The following TRPM3 variants were observed in gnomAD, a reference collection of about 807,000 sequenced individuals.
TRPM3 encodes the protein transient receptor potential cation channel subfamily M member 3, also known as long transient receptor potential channel 3.
TRPM3 carries 77 observed loss-of-function variants against 181.2 expected under a neutral mutation model. The observed-to-expected ratio is 0.42, with a 90% CI of 0.35 to 0.51. The LOEUF is 0.51. Ranked by LOEUF, TRPM3 falls within the 20% of genes least tolerant of loss-of-function variation. TRPM3 has a pLI of 0.01. For missense variants in TRPM3, 1,759 were observed against 2,196.7 expected, an observed-to-expected ratio of 0.80 and a Z score of 3.98; for synonymous variants, 745 against 796.4, an observed-to-expected ratio of 0.94 and a Z score of 1.09.
intron 1 of TRPM3, among the ~76,000 whole-genome samples, chr9:71,035,661 G>A (rs1253214016): frequency 6.6e-6 from 1 of 152,166 alleles, no homozygotes; most frequent in Admixed American, 6.5e-5. Flanking sequence ...AGGTTGCAGT[G>A]AGCCGATATT....
intron 1 of TRPM3, among the ~76,000 whole-genome samples, chr9:71,292,197 C>A (rs141144424): frequency 6.6e-6 from 1 of 151,878 alleles, no homozygotes; most frequent in Non-Finnish European, 1.5e-5. Flanking sequence ...AGTTGAAAAC[C>A]GCACTTAGAA....
intron 1 of TRPM3, among the ~76,000 whole-genome samples, chr9:71,112,632 C>T (rs570662700): frequency 6.6e-6 from 1 of 152,264 alleles, no homozygotes; most frequent in East Asian, 1.9e-4. Flanking sequence ...TCATCTAACA[C>T]CCGAGACATT....
At chr9:71,212,785 A>G (rs947098701) in intron 1 of TRPM3, among the ~76,000 whole-genome samples, 3 of 152,214 alleles carry the variant, frequency 2.0e-5, no homozygotes, top group Admixed American at 6.5e-5. Context: ...TTAATATTAA[A>G]ATGACTTGAA....
intron 3 of TRPM3, among the ~76,000 whole-genome samples, chr9:70,857,591 A>T (rs751777873): frequency 6.6e-6 from 1 of 152,214 alleles, no homozygotes; most frequent in Non-Finnish European, 1.5e-5. Context: ...ATTTCCCAAC[A>T]AAACATCTAA....
At chr9:71,396,965 C>CAA (rs76027591) in intron 1 of TRPM3, among the ~76,000 whole-genome samples, 1,045 of 97,458 alleles carry the variant, frequency 0.011, 15 homozygotes, top group African/African-American at 0.035. Context: ...GACTTCATCT[C>CAA]AAAAAAAAAA....
chr9:71,015,007 A>G (rs551341481), intron 1 of TRPM3, among the ~76,000 whole-genome samples: 1 of 152,182 alleles, frequency 6.6e-6, no homozygotes, highest in East Asian at 1.9e-4. Context: ...TCTTTGCACT[A>G]ATGCCTTTTA....
At chr9:70,603,654 T>G (rs2060481345) in intron 19 of TRPM3, among the ~76,000 whole-genome samples, 184 bp from the exon 20 acceptor site, 1 of 152,242 alleles carries the variant, frequency 6.6e-6, no homozygotes, top group African/African-American at 2.4e-5. Context: ...TGAAGGATTA[T>G]AATATGCAAT....
chr9:71,401,494 A>G (rs2093340541), intron 1 of TRPM3, among the ~76,000 whole-genome samples: 1 of 152,152 alleles, frequency 6.6e-6, no homozygotes, highest in Non-Finnish European at 1.5e-5. Context: ...AAATTAGGTA[A>G]AAGAGAAAAT....
intron 1 of TRPM3, among the ~76,000 whole-genome samples, chr9:71,091,832 G>A (rs934143022): frequency 6.6e-6 from 1 of 152,026 alleles, no homozygotes; most frequent in African/African-American, 2.4e-5. Flanking sequence ...GTATTTGAAA[G>A]CCCATAGAGA....
chr9:70,819,014 C>T (rs945647137), intron 6 of TRPM3, among the ~76,000 whole-genome samples: 26 of 152,310 alleles, frequency 1.7e-4, no homozygotes, highest in African/African-American at 5.8e-4. Context: ...TATGTCTTTA[C>T]ACTTGTATAG....
chr9:70,948,784 C>T (rs983086623), intron 1 of TRPM3, among the ~76,000 whole-genome samples: 2 of 152,314 alleles, frequency 1.3e-5, no homozygotes, highest in South Asian at 4.1e-4. Context: ...TACAACATGA[C>T]ATTGGACCTG....
chr9:70,669,461 G>C (rs1443790052), intron 9 of TRPM3, among the ~76,000 whole-genome samples: 1 of 152,126 alleles, frequency 6.6e-6, no homozygotes. Flanking sequence ...ATCTTCTGAG[G>C]AGAGATGGGA....
chr9:70,959,507 G>A (rs542056324), intron 1 of TRPM3, among the ~76,000 whole-genome samples: 1 of 151,992 alleles, frequency 6.6e-6, no homozygotes, highest in South Asian at 2.1e-4. Context: ...TGCTCATTTG[G>A]CAGTCAAGGA....
intron 6 of TRPM3, among the ~76,000 whole-genome samples, chr9:70,786,728 C>T (rs1426608915): frequency 1.3e-5 from 2 of 151,966 alleles, no homozygotes; most frequent in Non-Finnish European, 2.9e-5. Flanking sequence ...TTATTTTTTC[C>T]CTTGATTTGC....
At chr9:70,804,700 CT>C (rs1248149910) in intron 6 of TRPM3, among the ~76,000 whole-genome samples, 7,126 of 117,134 alleles carry the variant, frequency 0.061, 579 homozygotes, top group African/African-American at 0.26. Context: ...CTCCCCTCCC[CT>C]TCCCTTCCCT....
chr9:71,309,955 G>C (rs1291213893), intron 1 of TRPM3, among the ~76,000 whole-genome samples: 1 of 152,044 alleles, frequency 6.6e-6, no homozygotes, highest in African/African-American at 2.4e-5. Context: ...TTTTATAGTA[G>C]AGAACACATC....
chr9:71,357,732 T>A (rs1479157676), intron 1 of TRPM3, among the ~76,000 whole-genome samples: 5 of 149,036 alleles, frequency 3.4e-5, no homozygotes, highest in African/African-American at 2.5e-5. Context: ...ATGCTTTCCA[T>A]AAAAAAAAAA....
In TRPM3 at chr9:70,827,959, G is replaced by T. The variant is rs752814571; in HGVS notation, c.861C>A (p.Ser287Arg). The T allele has an allele frequency of 2.5e-6, 4 of 1,614,026 alleles. No homozygotes were observed. The African/African-American group carries it at 5.3e-5, about 22-fold the overall frequency. ...CAGCCAGAATGAAGTGGGAATGCAT[G>T]CTGTTGAGAACAGTGAGCTTGCTCA... The part of the protein sequence containing the change: ...NPMSKLTVLN[S>R]MHSHFILADN... The change falls in exon 6 of 26, where the codon AGC becomes AGA. Residue 287 changes from serine (S) to arginine (R), a missense_variant. This residue lies in a region of TRPM3 where 737 missense variants were observed against 957.4 expected (regional missense o/e 0.77). Coordinates refer to ENST00000677713, the MANE Select transcript of TRPM3 (RefSeq NM_001366145.2).
chr9:70,851,913 T>C (rs1242878462), intron 3 of TRPM3, among the ~76,000 whole-genome samples: 1 of 147,572 alleles, frequency 6.8e-6, no homozygotes, highest in Non-Finnish European at 1.5e-5. Context: ...AGGTCAGGAG[T>C]TCAAGAGCAG....
Sources: allele counts gnomAD v4.1 joint callset (sites outside exome capture counted in the v4.1 genomes callset), GRCh38; gene constraint gnomAD v4.1.1; regional missense constraint gnomAD v4.1.1; transcripts MANE v1.5; gene names NCBI Gene and HGNC (gene_info 2026-07-23, HGNC 2026-07-21).